The following RFX2 variants were observed in gnomAD, a reference collection of about 807,000 sequenced individuals.
The protein encoded by RFX2 is regulatory factor X2, also known as DNA-binding protein RFX2.
RFX2 carries 20 observed loss-of-function variants against 87.8 expected under a neutral mutation model. The ratio of observed to expected loss-of-function variants is 0.23; its 90% CI spans 0.16 to 0.33. The LOEUF is 0.33. Among genes scored for constraint, RFX2 ranks in the 10% least tolerant of loss-of-function variants. The pLI is 1.00. For missense variants in RFX2, 767 were observed against 1,012.3 expected, an observed-to-expected ratio of 0.76 and a Z score of 3.29; for synonymous variants, 397 against 431.3, an observed-to-expected ratio of 0.92 and a Z score of 0.98.
intron 1 of RFX2, among the ~76,000 whole-genome samples, chr19:6,076,496 C>G: frequency 6.6e-6 from 1 of 152,222 alleles, no homozygotes. Flanking sequence ...CAGTTTCTAG[C>G]TGGGTGACCT....
rs199776461 is a variant in RFX2, at chr19:6,018,025, AG to A, written c.598-1755del. On this transcript the variant is annotated intron_variant, in intron 6 of 17. Transcript: ENST00000303657. ...AGTCTCACTCTGTCACCCAGGCTGG[AG>A]GTGCAGTGGCGCAATCTTGGCACAC... is the stretch of plus-strand genomic sequence containing the variant. Among the ~76,000 whole-genome samples the A allele has an allele frequency of 4.4e-3, 670 of 151,504 alleles. 7 individuals are homozygous for A. In the East Asian group the frequency reaches 0.073, roughly 16 times the overall value.
In RFX2 at chr19:6,002,862, G is replaced by T; in HGVS notation, c.1509C>A (p.Val503=). The T allele has an allele frequency of 6.2e-7, 1 of 1,607,300 alleles. No homozygotes were observed. Residue 503 remains valine (V), a synonymous_variant, in exon 14 of 18, where the codon GTC becomes GTA. Transcript: ENST00000303657. This position sits in a 1 kb window ranked among gnomAD's most constrained non-coding sequence, Gnocchi z 6.7. ...PQQVIQTKVG[V]VSAFAQTLRR... ...GCAGCGTCTGGGCGAAGGCACTGAC[G>T]ACGCCCACCTGTAAGCCAGGGCTCG...
At chr19:6,100,187 T>C (rs1183351337) in intron 1 of RFX2, among the ~76,000 whole-genome samples, 1 of 152,138 alleles carries the variant, frequency 6.6e-6, no homozygotes. Context: ...CAAGACCCGT[T>C]TAAAGTATGG....
Position 6,044,372 on chromosome 19 carries a change from A to C in RFX2, c.91-90T>G. ...AATGTAAGATGCTGTTTGTCTGTTC[A>C]TGTGCTTTTTATTAAAACATAGGCA... On this transcript the variant is annotated intron_variant, in intron 2 of 17. Coordinates refer to ENST00000303657, the MANE Select transcript of RFX2 (RefSeq NM_000635.4). This position sits in a 1 kb window ranked among gnomAD's most constrained non-coding sequence, Gnocchi z 5.3. The C allele has an allele frequency of 1.2e-6, 1 of 856,762 alleles. No homozygotes were observed. Among genetic ancestry groups the C allele is most frequent in the Non-Finnish European group, 1.7e-6 (1 of 596,366 alleles). 53.1% of individuals were successfully genotyped at this position (856,762 alleles called of 1,614,324 possible).
At chr19:6,059,961 TG>T (rs143270181) in intron 1 of RFX2, among the ~76,000 whole-genome samples, 1 of 152,200 alleles carries the variant, frequency 6.6e-6, no homozygotes, top group Admixed American at 6.5e-5. Flanking sequence ...TAAAAAGTGA[TG>T]GGGGGGAGCC....
chr19:6,089,174 G>GC (rs2144878265), intron 1 of RFX2, among the ~76,000 whole-genome samples: 1 of 152,330 alleles, frequency 6.6e-6, no homozygotes, highest in Admixed American at 6.5e-5. Context: ...TTAAAACAGA[G>GC]CCTAAAATAA....
rs140523804 is a variant in RFX2, at chr19:6,000,685, C to T, written c.1859+1130G>A. On this transcript the variant is annotated intron_variant, in intron 15 of 17. Transcript: ENST00000303657. ...GTGCCTTTGCTCTTCCTTGGCCTTC[C>T]GCCATGCTTGTGAGGCCTCCCCAGC... 8.7e-4 allele frequency among the ~76,000 whole-genome samples: 132 copies of T among 152,372 alleles called. 1 individual carries two copies. Among genetic ancestry groups the T allele is most frequent in the African/African-American group, 2.9e-3 (120 of 41,594 alleles).
rs937110435 is a variant in RFX2 at position 6,001,324 on chromosome 19, G to A, written c.1859+491C>T. ...GTCACTCAGGCTAGGGTACAGTGGTGCAATCTTGGCTCACTGCAGCCTGGA... is the reference window on the plus strand; with the variant it reads ...GTCACTCAGGCTAGGGTACAGTGGTACAATCTTGGCTCACTGCAGCCTGGA... On this transcript the variant is annotated intron_variant, in intron 15 of 17. Transcript: ENST00000303657. The surrounding 1 kb of genome is among the most constrained non-coding windows in gnomAD (Gnocchi z 5.6). 2.6e-5 allele frequency among the ~76,000 whole-genome samples: 4 copies of A among 152,230 alleles called. No individual in the cohort carries two copies. The highest frequency in any genetic ancestry group is 4.4e-5 in the Non-Finnish European group (3 of 68,046).
intron 7 of RFX2, among the ~76,000 whole-genome samples, chr19:6,015,859 G>A (rs185527992): frequency 1.4e-3 from 218 of 152,318 alleles, no homozygotes; most frequent in South Asian, 9.1e-3. Flanking sequence ...CAAAAGGAGA[G>A]AGAAAACCAG....
chr19:6,035,829 C>A (rs2087013891), intron 5 of RFX2, among the ~76,000 whole-genome samples: 1 of 150,064 alleles, frequency 6.7e-6, no homozygotes, highest in Non-Finnish European at 1.5e-5. Flanking sequence ...AAGATGATGA[C>A]TCCCCCAGAG....
In RFX2 at chr19:6,026,018, C is replaced by T. The variant is rs997912015; in HGVS notation, c.597+145G>A. 27 of 644,312 alleles carry T rather than the reference C, an allele frequency of 4.2e-5. No individual in the cohort carries two copies. The highest frequency in any genetic ancestry group is 7.4e-5 in the Non-Finnish European group (27 of 362,544). The allele number at this position is 644,312 out of a possible 1,614,324, so 39.9% of individuals were successfully genotyped here. A position where few individuals can be genotyped will look rare whatever the true frequency, so the allele number is the denominator to read the frequency against. On this transcript the variant is annotated intron_variant, in intron 6 of 17. Transcript: ENST00000303657. This position sits in a 1 kb window ranked among gnomAD's most constrained non-coding sequence, Gnocchi z 4.5. The stretch of plus-strand genomic sequence containing the variant: ...CAGGCTGGTCTCAAACTCCTGACTT[C>T]AAGTGATCCACCCGCCTTGGCCTCC...
chr19:6,023,933 C>A lies in RFX2; in HGVS notation c.597+2230G>T, dbSNP rs559711814. On this transcript the variant is annotated intron_variant, in intron 6 of 17. Coordinates refer to ENST00000303657, the MANE Select transcript of RFX2 (RefSeq NM_000635.4). The surrounding 1 kb of genome is among the most constrained non-coding windows in gnomAD (Gnocchi z 4.9). The stretch of plus-strand genomic sequence containing the variant: ...TAGCTGGGACTACAGGCATGTGCCA[C>A]CACGCCCGGCTAATATTTGTATTTT... Among the ~76,000 whole-genome samples the A allele has an allele frequency of 6.6e-6, 1 of 152,260 alleles. No homozygotes were observed. The highest frequency in any genetic ancestry group is 1.5e-5 in the Non-Finnish European group (1 of 68,030).
chr19:6,006,829 C>T (rs967237771), intron 12 of RFX2, among the ~76,000 whole-genome samples, 183 bp downstream of exon 12: 4 of 151,450 alleles, frequency 2.6e-5, no homozygotes, highest in South Asian at 2.1e-4. Flanking sequence ...CTGGGCTCAG[C>T]GATTTGTCTG....
In RFX2 at chr19:6,044,485, CACAA is replaced by C. The variant is rs777126666; in HGVS notation, c.91-207_91-204del. 5.3e-5 allele frequency among the ~76,000 whole-genome samples: 8 copies of C among 152,378 alleles called. No individual in the cohort carries two copies. The highest frequency in any genetic ancestry group is 1.0e-4 in the Non-Finnish European group (7 of 68,036). Reference sequence around the variant, plus strand: ...GACACACGGCAGGTACGTGCAGGCACACAAACAATGCACATACATACACAAGTGT... The same window carrying C: ...GACACACGGCAGGTACGTGCAGGCACACAATGCACATACATACACAAGTGT... On this transcript the variant is annotated intron_variant, in intron 2 of 17. Transcript: ENST00000303657. This position sits in a 1 kb window ranked among gnomAD's most constrained non-coding sequence, Gnocchi z 5.3.
chr19:6,085,280 T>C (rs557394552), intron 1 of RFX2, among the ~76,000 whole-genome samples: 4 of 152,134 alleles, frequency 2.6e-5, no homozygotes, highest in Non-Finnish European at 5.9e-5. Flanking sequence ...CTTATCAACA[T>C]TTTTCTGTCT....
chr19:6,080,202 ATGTGTGTGTGTG>A (rs368062995), intron 1 of RFX2, among the ~76,000 whole-genome samples: 6 of 138,506 alleles, frequency 4.3e-5, no homozygotes, highest in East Asian at 4.5e-4. Flanking sequence ...TGCCTGGTTA[ATGTGTGTGTGTG>A]TGTGTGTGTG....
At position 6,002,655 on chromosome 19, in the gene RFX2, G is replaced by C; in HGVS notation, c.1650+66C>G. Reference sequence around the variant, plus strand: ...CAGGTTGTGCCACGGGCTCCACTTGGTGGGTTTGCTGGTTTTGCTGGAGGG... The same window carrying C: ...CAGGTTGTGCCACGGGCTCCACTTGCTGGGTTTGCTGGTTTTGCTGGAGGG... On this transcript the variant is annotated intron_variant, in intron 14 of 17. Transcript: ENST00000303657. This position sits in a 1 kb window ranked among gnomAD's most constrained non-coding sequence, Gnocchi z 6.7. 6.3e-7 allele frequency: 1 copy of C among 1,588,050 alleles called. No individual in the cohort carries two copies. The highest frequency in any genetic ancestry group is 8.6e-7 in the Non-Finnish European group (1 of 1,162,588).
At position 6,047,446 on chromosome 19, in the gene RFX2, A is replaced by T. The variant is rs2087208203; in HGVS notation, c.51T>A (p.Arg17=). Residue 17 remains arginine (R), a synonymous_variant, in exon 2 of 18, where the codon CGT becomes CGA. Coordinates refer to ENST00000303657, the MANE Select transcript of RFX2 (RefSeq NM_000635.4). The surrounding 1 kb of genome is among the most constrained non-coding windows in gnomAD (Gnocchi z 4.2). ...GADSPASVAL[R]PSAAAPPVPA... is the part of the protein sequence containing the mutation. ...GCACAGGCGGGGCTGCCGCCGAGGG[A>T]CGCAGAGCCACGGACGCTGGCGAAT... 1.9e-6 allele frequency: 3 copies of T among 1,604,444 alleles called. No homozygotes were observed. The African/African-American group carries it at 4.0e-5, about 21-fold the overall frequency.
chr19:6,016,051 G>T lies in RFX2; in HGVS notation c.779+39C>A, dbSNP rs2086722073. 1.3e-6 allele frequency: 2 copies of T among 1,535,996 alleles called. No individual in the cohort carries two copies. The highest frequency in any genetic ancestry group is 1.8e-6 in the Non-Finnish European group (2 of 1,138,358). ...CCAAAAGCTCCATTTCTTGGGAAAG[G>T]AAGAGGAAGAACAGGTGGGCTGGGG... is the stretch of plus-strand genomic sequence containing the variant. On this transcript the variant is annotated intron_variant, in intron 7 of 17. Transcript: ENST00000303657. The surrounding 1 kb of genome is among the most constrained non-coding windows in gnomAD (Gnocchi z 5.4).
Sources: allele counts gnomAD v4.1 joint callset (sites outside exome capture counted in the v4.1 genomes callset), GRCh38; gene constraint gnomAD v4.1.1; non-coding constraint Gnocchi (gnomAD v3.1); transcripts MANE v1.5; gene names NCBI Gene and HGNC (gene_info 2026-07-23, HGNC 2026-07-21).